Variants in XRCC4 observed in about 807,000 individuals in gnomAD.
The protein encoded by XRCC4 is DNA repair protein XRCC4.
XRCC4 carries 28 observed loss-of-function variants against 39.1 expected under a neutral mutation model. That is an observed-to-expected ratio of 0.72 (90% CI 0.53 to 0.98). The LOEUF (loss-of-function observed/expected upper bound fraction) is 0.98. XRCC4 is among the 50% of genes least tolerant of loss of function. The probability of loss-of-function intolerance (pLI) is 0.00; values close to 1 mark genes in which losing one functional copy is unlikely to be tolerated. For missense variants in XRCC4, 350 were observed against 376.4 expected, an observed-to-expected ratio of 0.93 and a Z score of 0.58; for synonymous variants, 123 against 126.4, an observed-to-expected ratio of 0.97 and a Z score of 0.18.
chr5:83,254,040 C>T (rs1477383652), intron 6 of XRCC4, among the ~76,000 whole-genome samples: 3 of 150,682 alleles, frequency 2.0e-5, no homozygotes, highest in Non-Finnish European at 4.4e-5. Flanking sequence ...CCATACCAAT[C>T]AGTATTCCAG....
Position 83,204,936 on chromosome 5 carries a change from C to T in XRCC4, c.745+15C>T, listed in dbSNP as rs201670896. The T allele has an allele frequency of 1.2e-4, 185 of 1,500,626 alleles. 2 individuals are homozygous for T. The East Asian group carries it at 4.1e-3, about 33-fold the overall frequency. 93.0% of individuals were successfully genotyped at this position (1,500,626 alleles called of 1,614,324 possible). ...GTTGGCTTCAGGTAAGAGATACATACATTTATCTCCTCTGTTGAATATCTT... is the reference window on the plus strand; with the variant it reads ...GTTGGCTTCAGGTAAGAGATACATATATTTATCTCCTCTGTTGAATATCTT... On this transcript the variant is annotated intron_variant, in intron 6 of 7. Transcript: ENST00000396027.
intron 7 of XRCC4, among the ~76,000 whole-genome samples, chr5:83,293,676 T>C (rs907948168): frequency 6.6e-6 from 1 of 151,988 alleles, no homozygotes; most frequent in African/African-American, 2.4e-5. Context: ...AGTTTGTAAA[T>C]TTCAGGCAGA....
At chr5:83,348,102 C>T (rs1029214345) in intron 7 of XRCC4, among the ~76,000 whole-genome samples, 1 of 152,148 alleles carries the variant, frequency 6.6e-6, no homozygotes, top group African/African-American at 2.4e-5. Flanking sequence ...GGTACAGCCC[C>T]CATGGCTGCT....
downstream of XRCC4, among the ~76,000 whole-genome samples, chr5:83,356,298 TA>T (rs1757189171): frequency 1.3e-5 from 2 of 152,190 alleles, no homozygotes; most frequent in South Asian, 4.1e-4. Context: ...CCAAAATTAG[TA>T]TACAACTGTA....
At chr5:83,263,083 G>C (rs1753820798) in intron 7 of XRCC4, among the ~76,000 whole-genome samples, 1 of 145,538 alleles carries the variant, frequency 6.9e-6, no homozygotes, top group Non-Finnish European at 1.5e-5. Flanking sequence ...CTATGAGTGA[G>C]AATATGCGGT....
intron 6 of XRCC4, among the ~76,000 whole-genome samples, chr5:83,242,161 ATTGTGT>A (rs1224625306): frequency 1.7e-5 from 2 of 114,766 alleles, no homozygotes; most frequent in African/African-American, 6.9e-5. Flanking sequence ...TCGTATACAC[ATTGTGT>A]GTGTGTGTGT....
intron 1 of XRCC4, among the ~76,000 whole-genome samples, chr5:83,082,387 G>A (rs992052539): frequency 1.3e-5 from 2 of 152,190 alleles, no homozygotes; most frequent in Non-Finnish European, 2.9e-5. Flanking sequence ...AAATGTATCA[G>A]TGTTGGTTTC....
chr5:83,326,263 C>G (rs867163629), intron 7 of XRCC4, among the ~76,000 whole-genome samples: 1 of 152,028 alleles, frequency 6.6e-6, no homozygotes, highest in South Asian at 2.1e-4. Context: ...TTAAGTAGAC[C>G]CCGTTTGTCA....
At chr5:83,116,064 T>C (rs1746694991) in intron 3 of XRCC4, among the ~76,000 whole-genome samples, 1 of 152,190 alleles carries the variant, frequency 6.6e-6, no homozygotes, top group African/African-American at 2.4e-5. Context: ...AGAGTGACAA[T>C]GTCTTGTAGA....
intron 3 of XRCC4, among the ~76,000 whole-genome samples, chr5:83,114,884 A>G (rs558845868): frequency 3.7e-4 from 57 of 152,020 alleles, no homozygotes; most frequent in African/African-American, 1.3e-3. Context: ...TAGTTTATAA[A>G]GGAAAGAGGT....
chr5:83,370,624 G>A, the XRCC4 span, among the ~76,000 whole-genome samples: 2 of 151,976 alleles, frequency 1.3e-5, no homozygotes, highest in Non-Finnish European at 2.9e-5. Flanking sequence ...TCCTACTTGG[G>A]CTTCTTCAAC....
intron 3 of XRCC4, among the ~76,000 whole-genome samples, chr5:83,144,330 C>T (rs1444927062): frequency 1.4e-5 from 2 of 144,976 alleles, no homozygotes. Context: ...CACATGTAGT[C>T]AGTATATACT....
At chr5:83,335,175 G>T (rs969284597) in intron 7 of XRCC4, among the ~76,000 whole-genome samples, 5 of 151,702 alleles carry the variant, frequency 3.3e-5, no homozygotes, top group Non-Finnish European at 7.4e-5. Flanking sequence ...ATTTGCATTG[G>T]GTTTGTTTGG....
chr5:83,234,076 G>C (rs1752598355), intron 6 of XRCC4, among the ~76,000 whole-genome samples: 1 of 151,994 alleles, frequency 6.6e-6, no homozygotes, highest in South Asian at 2.1e-4. Context: ...TTTTTAATCT[G>C]TGAAATTTAA....
intron 3 of XRCC4, among the ~76,000 whole-genome samples, chr5:83,194,025 G>A (rs957623625): frequency 3.3e-5 from 5 of 152,008 alleles, no homozygotes; most frequent in African/African-American, 1.2e-4. Context: ...CCTGTGTCTC[G>A]CGGTTCAAGC....
At chr5:83,309,879 C>T (rs1215514983) in intron 7 of XRCC4, among the ~76,000 whole-genome samples, 1 of 151,234 alleles carries the variant, frequency 6.6e-6, no homozygotes, top group Admixed American at 6.6e-5. Context: ...GAAAGTACCA[C>T]AAGTTAGTAA....
At chr5:83,081,619 A>G (rs1580189565) in intron 1 of XRCC4, among the ~76,000 whole-genome samples, 2 of 152,216 alleles carry the variant, frequency 1.3e-5, no homozygotes, top group Non-Finnish European at 2.9e-5. Context: ...GTATCCTATA[A>G]TGTCAACTTG....
chr5:83,346,995 G>GA (rs1174077788), intron 7 of XRCC4, among the ~76,000 whole-genome samples: 13 of 151,980 alleles, frequency 8.6e-5, no homozygotes, highest in African/African-American at 3.1e-4. Context: ...GCATGTTCAT[G>GA]AAAAAAATAT....
chr5:83,214,827 A>C (rs578252269), intron 6 of XRCC4, among the ~76,000 whole-genome samples: 35 of 134,670 alleles, frequency 2.6e-4, no homozygotes, highest in Middle Eastern at 3.8e-3. Flanking sequence ...ACAGAGCAAG[A>C]CTCCTTCTCA....
Sources: allele counts gnomAD v4.1 joint callset (sites outside exome capture counted in the v4.1 genomes callset), GRCh38; gene constraint gnomAD v4.1.1; transcripts MANE v1.5; gene names NCBI Gene and HGNC (gene_info 2026-07-23, HGNC 2026-07-21).